The following ATP6V0A2 variants were observed in gnomAD, a reference collection of about 807,000 sequenced individuals.
ATP6V0A2 encodes the protein ATPase H+ transporting V0 subunit a2.
ATP6V0A2 carries 58 observed loss-of-function variants against 104.4 expected under a neutral mutation model. The ratio of observed to expected loss-of-function variants is 0.56; its 90% CI spans 0.45 to 0.69. The LOEUF (loss-of-function observed/expected upper bound fraction) is 0.69, where lower values mean the gene tolerates loss of function less well. ATP6V0A2 is among the 30% of genes least tolerant of loss of function. The pLI, the probability that ATP6V0A2 is intolerant of heterozygous loss-of-function variation, is 0.00. For synonymous variants in ATP6V0A2, 376 were observed against 397.9 expected (o/e 0.95, Z 0.65); for missense variants, 938 against 1,062.9 (o/e 0.88, Z 1.63).
chr12:123,724,891 G>A (rs1956434516), intron 4 of ATP6V0A2, 100 bp downstream of exon 4: 2 of 879,198 alleles, frequency 2.3e-6, no homozygotes, highest in Non-Finnish European at 3.6e-6. Flanking sequence ...AGTTCATATA[G>A]ATATGTTGCT....
intron 9 of ATP6V0A2, among the ~76,000 whole-genome samples, chr12:123,740,204 C>CTT (rs34257905): frequency 7.1e-6 from 1 of 141,694 alleles, no homozygotes; most frequent in African/African-American, 2.6e-5. Context: ...CTCTCTCTCT[C>CTT]TTTTTTTTTT....
chr12:123,745,513 T>C (rs1440603360), intron 13 of ATP6V0A2, among the ~76,000 whole-genome samples: 20 of 152,118 alleles, frequency 1.3e-4, no homozygotes, highest in Admixed American at 1.2e-3. Flanking sequence ...GAGACCATCC[T>C]GGCTAACACG....
chr12:123,720,854 G>A (rs1341917906), intron 2 of ATP6V0A2, among the ~76,000 whole-genome samples: 1 of 151,960 alleles, frequency 6.6e-6, no homozygotes, highest in East Asian at 1.9e-4. Context: ...AACATAGTGA[G>A]ACCCCTGTCT....
intron 9 of ATP6V0A2, among the ~76,000 whole-genome samples, chr12:123,741,170 G>A (rs992575126): frequency 3.3e-5 from 5 of 151,994 alleles, no homozygotes; most frequent in African/African-American, 7.2e-5. Context: ...GGTAACTCAC[G>A]CTGGTAATCC....
intron 9 of ATP6V0A2, among the ~76,000 whole-genome samples, chr12:123,739,891 T>C (rs1404082158): frequency 6.6e-6 from 1 of 152,234 alleles, no homozygotes; most frequent in Admixed American, 6.5e-5. Flanking sequence ...GTAATTCATG[T>C]GGTTTTTTAG....
intron 9 of ATP6V0A2, among the ~76,000 whole-genome samples, chr12:123,742,139 T>C (rs967725812): frequency 6.6e-6 from 1 of 152,236 alleles, no homozygotes; most frequent in African/African-American, 2.4e-5. Context: ...CCCCAACCCC[T>C]GCAGACTTCA....
At chr12:123,727,161 A>G (rs1956455449) in intron 5 of ATP6V0A2, among the ~76,000 whole-genome samples, 1 of 152,156 alleles carries the variant, frequency 6.6e-6, no homozygotes, top group African/African-American at 2.4e-5. Context: ...TGCTCACCTT[A>G]TCTAGACCCA....
At chr12:123,752,618 G>A (rs1050439279) in intron 17 of ATP6V0A2, among the ~76,000 whole-genome samples, 13 of 152,292 alleles carry the variant, frequency 8.5e-5, no homozygotes, top group Admixed American at 3.3e-4. Flanking sequence ...CTTTCACTTC[G>A]CCAGTGGGAT....
At chr12:123,752,703 G>A (rs997181096) in intron 17 of ATP6V0A2, among the ~76,000 whole-genome samples, 3 of 152,142 alleles carry the variant, frequency 2.0e-5, no homozygotes, top group African/African-American at 7.2e-5. Flanking sequence ...AGCTTCTTGG[G>A]TCAGTCAGAA....
At chr12:123,742,609 G>C (rs1956620181) in intron 9 of ATP6V0A2, among the ~76,000 whole-genome samples, 1 of 152,108 alleles carries the variant, frequency 6.6e-6, no homozygotes, top group African/African-American at 2.4e-5. Flanking sequence ...GGCCGAGGTG[G>C]GCAGATCACC....
chr12:123,758,140 CT>C lies in ATP6V0A2; in HGVS notation c.*110del. 1 of 752,558 alleles carries C rather than the reference CT, an allele frequency of 1.3e-6. No individual in the cohort carries two copies. Among genetic ancestry groups the C allele is most frequent in the Admixed American group, 2.2e-5 (1 of 45,900 alleles). The allele number at this position is 752,558 out of a possible 1,614,324, so 46.6% of individuals were successfully genotyped here. The stretch of plus-strand genomic sequence containing the variant: ...GGAAAAATTCCATCTTCATTACTGC[CT>C]TATGACATAGCCAAATAATTCTGTA... On this transcript the variant is annotated 3_prime_UTR_variant, in exon 20 of 20. Transcript: ENST00000330342.
intron 7 of ATP6V0A2, among the ~76,000 whole-genome samples, chr12:123,735,163 GTGTCTGTGTGTGTCTGT>G (rs1956539731): frequency 7.8e-6 from 1 of 128,990 alleles, no homozygotes. Flanking sequence ...GTGTGTGTGT[GTGTCTGTGTGTGTCTGT>G]TGTGTGTCTG....
intron 13 of ATP6V0A2, 32 bp from the exon 14 acceptor site, chr12:123,747,575 A>G (rs752326283): frequency 7.8e-6 from 11 of 1,418,382 alleles, no homozygotes; most frequent in Admixed American, 1.7e-5. Context: ...GAAGTTAAAG[A>G]TTCTGTTTTG....
chr12:123,741,540 ATCC>A (rs1956609035), intron 9 of ATP6V0A2, among the ~76,000 whole-genome samples: 1 of 152,108 alleles, frequency 6.6e-6, no homozygotes, highest in African/African-American at 2.4e-5. Flanking sequence ...GGTTCAAGCA[ATCC>A]TCCCGTCTCG....
chr12:123,744,205 C>T lies in ATP6V0A2; in HGVS notation c.1194C>T (p.Leu398=), dbSNP rs775345155. The part of the protein sequence containing the change: ...VGSYREVNPA[L]FTIITFPFLF... The stretch of plus-strand genomic sequence containing the variant: ...CTCTTTCCCTTTTTTCTGCAGCTCT[C>T]TTTACCATCATCACCTTCCCGTTTT... The change falls in exon 11 of 20, where the codon CTC becomes CTT. Residue 398 remains leucine (L), a synonymous_variant. Transcript: ENST00000330342. This position sits in a 1 kb window ranked among gnomAD's most constrained non-coding sequence, Gnocchi z 5.4. 3.0e-5 allele frequency: 48 copies of T among 1,614,034 alleles called. No homozygotes were observed. The East Asian group carries it at 6.2e-4, about 21-fold the overall frequency.
chr12:123,753,797 C>T (rs998224710), intron 17 of ATP6V0A2, among the ~76,000 whole-genome samples: 4 of 152,310 alleles, frequency 2.6e-5, no homozygotes, highest in South Asian at 2.1e-4. Flanking sequence ...TTAGTGAGGA[C>T]CAAACAAAAT....
At chr12:123,729,460 T>C (rs560851010) in intron 6 of ATP6V0A2, among the ~76,000 whole-genome samples, 106 of 151,676 alleles carry the variant, frequency 7.0e-4, no homozygotes, top group African/African-American at 2.4e-3. Flanking sequence ...CATGCACATA[T>C]ACATTTACAG....
chr12:123,756,809 T>C lies in ATP6V0A2; in HGVS notation c.2294-6T>C, dbSNP rs756082099. On this transcript the variant is annotated splice_polypyrimidine_tract_variant and splice_region_variant and intron_variant, in intron 18 of 19. Transcript: ENST00000330342. ...CATGACCTGTGCAGGCTGCACTCCT[T>C]TGCAGAGTTGTCTGATGTCCTGTGG... The C allele has an allele frequency of 4.3e-6, 7 of 1,613,528 alleles. No homozygotes were observed. In the Admixed American group the frequency reaches 1.2e-4, roughly 27 times the overall value.
Position 123,760,081 on chromosome 12 carries a change from A to G in ATP6V0A2, c.*2049A>G, listed in dbSNP as rs993278216. On this transcript the variant is annotated 3_prime_UTR_variant, in exon 20 of 20. Transcript: ENST00000330342. ...GCTCCAGGGGTCTGTCATAAAAACA[A>G]TGGTAACTACTTCATCCCTAGGAAG... 2.6e-5 allele frequency: 4 copies of G among 152,170 alleles called. No homozygotes were observed. The highest frequency in any genetic ancestry group is 1.3e-4 in the Admixed American group (2 of 15,276). 9.4% of individuals were successfully genotyped at this position (152,170 alleles called of 1,614,324 possible).
Sources: gnomAD v4.1 joint callset for allele counts (sites outside exome capture counted in the v4.1 genomes callset) on GRCh38, gnomAD v4.1.1 for gene constraint, Gnocchi (gnomAD v3.1) non-coding constraint, MANE v1.5 for transcripts, NCBI Gene and HGNC (gene_info 2026-07-23, HGNC 2026-07-21) for gene names.